The following CCPG1 variants were observed in gnomAD, a reference collection of about 807,000 sequenced individuals.
CCPG1 encodes cell cycle progression protein 1.
Under a neutral mutation model 81.3 loss-of-function variants are expected in CCPG1, and 46 were observed. The ratio of observed to expected loss-of-function variants is 0.57; its 90% CI spans 0.45 to 0.72. The LOEUF is 0.72. CCPG1 is among the 30% of genes least tolerant of loss of function. The pLI is 0.00. For missense variants in CCPG1, 902 were observed against 937.6 expected (o/e 0.96, Z 0.50); for synonymous variants, 330 against 305.2 (o/e 1.08, Z -0.85).
At chr15:55,401,339 A>T (rs1330112976) in intron 1 of CCPG1, among the ~76,000 whole-genome samples, 5 of 152,196 alleles carry the variant, frequency 3.3e-5, no homozygotes, top group Admixed American at 6.5e-5. Context: ...GGCTTTCTAC[A>T]GTGCCATTTT....
intron 1 of CCPG1, among the ~76,000 whole-genome samples, chr15:55,397,891 C>T (rs113344947): frequency 6.6e-6 from 1 of 151,880 alleles, no homozygotes; most frequent in Non-Finnish European, 1.5e-5. Flanking sequence ...GCAGGAGAAT[C>T]GCCTGAACTC....
intron 3 of CCPG1, among the ~76,000 whole-genome samples, chr15:55,381,066 G>A (rs1024846417): frequency 9.2e-5 from 14 of 151,984 alleles, no homozygotes; most frequent in Non-Finnish European, 1.5e-4. Context: ...GAACCCGGGA[G>A]GCGGAGCTTG....
chr15:55,393,540 G>C (rs902147810), intron 1 of CCPG1, among the ~76,000 whole-genome samples: 3 of 152,190 alleles, frequency 2.0e-5, no homozygotes, highest in Admixed American at 1.3e-4. Context: ...ATGAGCATCT[G>C]AACTTAACCA....
chr15:55,403,129 A>G (rs1277993456), intron 1 of CCPG1, among the ~76,000 whole-genome samples: 1 of 152,202 alleles, frequency 6.6e-6, no homozygotes, highest in Non-Finnish European at 1.5e-5. Context: ...TAGTACAATA[A>G]TACTTCATAT....
chr15:55,381,115 C>CT, intron 3 of CCPG1, among the ~76,000 whole-genome samples: 1 of 151,562 alleles, frequency 6.6e-6, no homozygotes, highest in South Asian at 2.1e-4. Context: ...CCAGCCTGGG[C>CT]AACAGAGCAA....
Position 55,358,379 on chromosome 15 carries a change from A to G in CCPG1, c.2234+1160T>C, listed in dbSNP as rs561183471. ...AGGGGGGACTACTGTAATCTAAAATACAATATAATCTTATCCCACCCGCCT... is the reference window on the plus strand; with the variant it reads ...AGGGGGGACTACTGTAATCTAAAATGCAATATAATCTTATCCCACCCGCCT... On this transcript the variant is annotated intron_variant, in intron 8 of 8. Coordinates refer to ENST00000442196, the MANE Select transcript of CCPG1 (RefSeq NM_001204450.2). 10 of 985,440 alleles carry G rather than the reference A, an allele frequency of 1.0e-5. No individual in the cohort carries two copies. The East Asian group carries it at 1.0e-3, about 101-fold the overall frequency. The allele number at this position is 985,440 out of a possible 1,614,324, so 61.0% of individuals were successfully genotyped here. A position where few individuals can be genotyped will look rare whatever the true frequency, so the allele number is the denominator to read the frequency against.
chr15:55,356,167 A>C lies in CCPG1; in HGVS notation c.*53T>G. On this transcript the variant is annotated 3_prime_UTR_variant, in exon 9 of 9. Coordinates refer to ENST00000442196, the MANE Select transcript of CCPG1 (RefSeq NM_001204450.2). Reference sequence around the variant, plus strand: ...TTCATTAGTTTCAATACCAAACATTATACAAAGCATAAATTTTTCTCTTAC... The same window carrying C: ...TTCATTAGTTTCAATACCAAACATTCTACAAAGCATAAATTTTTCTCTTAC... 1 of 1,341,662 alleles carries C rather than the reference A, an allele frequency of 7.5e-7. No individual in the cohort carries two copies. The highest frequency in any genetic ancestry group is 2.5e-5 in the East Asian group (1 of 39,650). 83.1% of individuals were successfully genotyped at this position (1,341,662 alleles called of 1,614,324 possible).
rs914145951 is a variant in CCPG1, at chr15:55,357,306, A to G, written c.2235-897T>C. ...CTACTTCTCCTTCACAAGAAATATCAATGTTACTATTTTCCAAATGTTTTT... is the reference window on the plus strand; with the variant it reads ...CTACTTCTCCTTCACAAGAAATATCGATGTTACTATTTTCCAAATGTTTTT... On this transcript the variant is annotated intron_variant, in intron 8 of 8. Coordinates refer to ENST00000442196, the MANE Select transcript of CCPG1 (RefSeq NM_001204450.2). 3 of 984,132 alleles carry G rather than the reference A, an allele frequency of 3.0e-6. No homozygotes were observed. In the African/African-American group the frequency reaches 5.2e-5, roughly 17 times the overall value. 61.0% of individuals were successfully genotyped at this position (984,132 alleles called of 1,614,324 possible).
chr15:55,361,657 G>A (rs906370971), intron 7 of CCPG1, among the ~76,000 whole-genome samples: 5 of 151,184 alleles, frequency 3.3e-5, no homozygotes, highest in African/African-American at 1.2e-4. Flanking sequence ...AGTGAGCCGA[G>A]ATCGCACCAC....
rs2056165686 is a variant in CCPG1 at position 55,360,345 on chromosome 15, C to T, written c.1428G>A (p.Arg476=). The T allele has an allele frequency of 6.2e-7, 1 of 1,613,782 alleles. No homozygotes were observed. The highest frequency in any genetic ancestry group is 8.5e-7 in the Non-Finnish European group (1 of 1,179,992). ...GKKKGGRGSH[R]AKNKSKETFL... is the part of the protein sequence containing the mutation. Reference sequence around the variant, plus strand: ...ATGTTTCCTTTGACTTATTTTTAGCCCTGTGGCTTCCTCTGCCCCCTTTCT... The same window carrying T: ...ATGTTTCCTTTGACTTATTTTTAGCTCTGTGGCTTCCTCTGCCCCCTTTCT... The change falls in exon 8 of 9, where the codon AGG becomes AGA. Residue 476 remains arginine (R), a synonymous_variant. Coordinates refer to ENST00000442196, the MANE Select transcript of CCPG1 (RefSeq NM_001204450.2).
intron 5 of CCPG1, chr15:55,373,167 G>GT (rs1277722606): frequency 5.0e-6 from 2 of 401,802 alleles, no homozygotes; most frequent in South Asian, 1.9e-5. Flanking sequence ...ATCACCTTCA[G>GT]TTTTTTCCAA....
intron 5 of CCPG1, chr15:55,372,430 G>C (rs1566971434): frequency 3.2e-5 from 7 of 219,748 alleles, no homozygotes; most frequent in Non-Finnish European, 6.4e-5. Flanking sequence ...GGAGGCCGAG[G>C]CGGGCAGATC....
chr15:55,373,048 G>A lies in CCPG1; in HGVS notation c.455-1004C>T, dbSNP rs754213070. ...CACAACAGCTATCTCCGATATTAAG[G>A]ACTATTCTGGTGCTGCTCCTTTATG... On this transcript the variant is annotated intron_variant, in intron 5 of 8. Coordinates refer to ENST00000442196, the MANE Select transcript of CCPG1 (RefSeq NM_001204450.2). 1.3e-5 allele frequency: 7 copies of A among 533,824 alleles called. No individual in the cohort carries two copies. The East Asian group carries it at 3.3e-4, about 25-fold the overall frequency. 33.1% of individuals were successfully genotyped at this position (533,824 alleles called of 1,614,324 possible). A position where few individuals can be genotyped will look rare whatever the true frequency, so the allele number is the denominator to read the frequency against.
chr15:55,384,839 A>G (rs1353158029), intron 3 of CCPG1, among the ~76,000 whole-genome samples: 2 of 152,238 alleles, frequency 1.3e-5, no homozygotes, highest in Non-Finnish European at 2.9e-5. Context: ...AAAGCAAAGC[A>G]GAATAAAATG....
At chr15:55,361,652 G>C (rs1007627914) in intron 7 of CCPG1, among the ~76,000 whole-genome samples, 21 of 151,568 alleles carry the variant, frequency 1.4e-4, no homozygotes, top group Non-Finnish European at 2.4e-4. Flanking sequence ...GTTGCAGTGA[G>C]CCGAGATCGC....
chr15:55,356,952 T>G (rs890974333), intron 8 of CCPG1: 2 of 985,566 alleles, frequency 2.0e-6, no homozygotes, highest in Non-Finnish European at 2.4e-6. Flanking sequence ...CACATCAACT[T>G]TTTAAAAAGC....
chr15:55,365,993 T>C (rs1321151457), intron 6 of CCPG1, among the ~76,000 whole-genome samples: 1 of 152,080 alleles, frequency 6.6e-6, no homozygotes, highest in Admixed American at 6.6e-5. Flanking sequence ...CAATCATTCA[T>C]CAAATGGTGG....
At chr15:55,403,425 A>C (rs1286930664) in intron 1 of CCPG1, among the ~76,000 whole-genome samples, 11 of 151,814 alleles carry the variant, frequency 7.2e-5, no homozygotes, top group Non-Finnish European at 1.5e-5. Context: ...AAAAGATTTC[A>C]GGCTTCCTGT....
At chr15:55,387,156 G>C (rs1170699859) in intron 2 of CCPG1, among the ~76,000 whole-genome samples, 2 of 152,156 alleles carry the variant, frequency 1.3e-5, no homozygotes, top group African/African-American at 4.8e-5. Flanking sequence ...AGAGATAAAA[G>C]TACAAATATG....
Sources: gnomAD v4.1 joint callset for allele counts (sites outside exome capture counted in the v4.1 genomes callset) on GRCh38, gnomAD v4.1.1 for gene constraint, MANE v1.5 for transcripts, NCBI Gene and HGNC (gene_info 2026-07-23, HGNC 2026-07-21) for gene names.